The following PPP1R12B variants were observed in gnomAD, a reference collection of about 807,000 sequenced individuals.
PPP1R12B encodes myosin phosphatase target subunit 2.
Under a neutral mutation model 126.1 loss-of-function variants are expected in PPP1R12B, and 76 were observed. That is an observed-to-expected ratio of 0.60 (90% CI 0.50 to 0.73). The LOEUF is 0.73. Ranked by LOEUF, PPP1R12B falls within the 30% of genes least tolerant of loss-of-function variation. PPP1R12B has a pLI of 0.00. For synonymous variants in PPP1R12B, 356 were observed against 434.7 expected, an observed-to-expected ratio of 0.82 and a Z score of 2.25; for missense variants, 1,052 against 1,205.1, an observed-to-expected ratio of 0.87 and a Z score of 1.88.
rs536511819 is a variant in PPP1R12B, at chr1:202,414,982, T to C, written c.292-1805T>C. Among the ~76,000 whole-genome samples, 14 of 152,194 alleles carry C rather than the reference T, an allele frequency of 9.2e-5. No individual in the cohort carries two copies. In the East Asian group the frequency reaches 2.7e-3, roughly 29 times the overall value. On this transcript the variant is annotated intron_variant, in intron 1 of 23. Coordinates refer to ENST00000608999, the MANE Select transcript of PPP1R12B (RefSeq NM_002481.4). ...TTTTTTTGCAGAGATGGGGTCTGTG[T>C]TGCTCAGGCTGGTCTTGAACTCCTG...
At chr1:202,493,552 G>C (rs1027577889) in intron 15 of PPP1R12B, among the ~76,000 whole-genome samples, 1 of 152,086 alleles carries the variant, frequency 6.6e-6, no homozygotes, top group African/African-American at 2.4e-5. Flanking sequence ...TGTCCTTCTA[G>C]TCTAAAAGGA....
chr1:202,438,550 C>T (rs1671152858), intron 10 of PPP1R12B: 1 of 427,738 alleles, frequency 2.3e-6, no homozygotes, highest in Non-Finnish European at 4.4e-6. Context: ...CATGGGACAG[C>T]CCCCGGTGGA....
At position 202,592,374 on chromosome 1, in the gene PPP1R12B, G is replaced by A. The variant is rs1260054494; in HGVS notation, c.*11814G>A. On this transcript the variant is annotated 3_prime_UTR_variant, in exon 24 of 24. Coordinates refer to ENST00000608999, the MANE Select transcript of PPP1R12B (RefSeq NM_002481.4). ...CTCCCGCCCACTGATGACTCCCATG[G>A]GGGGTTTCCCGATGGGAGGAGGCAG... is the stretch of plus-strand genomic sequence containing the variant. 1 of 152,684 alleles carries A rather than the reference G, an allele frequency of 6.5e-6. No homozygotes were observed. Among genetic ancestry groups the A allele is most frequent in the Non-Finnish European group, 1.5e-5 (1 of 68,062 alleles). The allele number at this position is 152,684 out of a possible 1,614,324, so 9.5% of individuals were successfully genotyped here.
chr1:202,356,973 C>A (rs1249716005), intron 1 of PPP1R12B, among the ~76,000 whole-genome samples: 1 of 152,080 alleles, frequency 6.6e-6, no homozygotes, highest in Non-Finnish European at 1.5e-5. Context: ...AGGCGCCCAC[C>A]ACCACAACCA....
intron 13 of PPP1R12B, chr1:202,463,218 G>C (rs1471306300): frequency 3.3e-6 from 1 of 301,842 alleles, no homozygotes; most frequent in East Asian, 1.7e-4. Context: ...CAAGTGGTAA[G>C]AATAAGATAT....
intron 18 of PPP1R12B, among the ~76,000 whole-genome samples, chr1:202,498,491 A>G (rs1241875183): frequency 6.6e-6 from 1 of 152,222 alleles, no homozygotes; most frequent in Non-Finnish European, 1.5e-5. Flanking sequence ...GAATCAGCAT[A>G]GGGTGAGGCA....
chr1:202,517,443 G>T (rs1368000499), intron 18 of PPP1R12B, among the ~76,000 whole-genome samples: 9 of 152,092 alleles, frequency 5.9e-5, no homozygotes, highest in Non-Finnish European at 1.5e-5. Flanking sequence ...GTTCCTTCCA[G>T]AATTTATTTC....
intron 1 of PPP1R12B, among the ~76,000 whole-genome samples, chr1:202,386,310 T>G (rs1335454201): frequency 6.6e-6 from 1 of 151,680 alleles, no homozygotes; most frequent in Non-Finnish European, 1.5e-5. Flanking sequence ...ATGATGGGTT[T>G]CTGTGTATTT....
chr1:202,430,896 C>G (rs1404720644), intron 7 of PPP1R12B, 86 bp downstream of exon 7: 2 of 1,516,618 alleles, frequency 1.3e-6, no homozygotes, highest in Non-Finnish European at 1.8e-6. Context: ...AGTGAAGAAA[C>G]TCTGTGTTTG....
At chr1:202,550,887 T>C (rs560507914) in intron 18 of PPP1R12B, among the ~76,000 whole-genome samples, 14 of 152,362 alleles carry the variant, frequency 9.2e-5, no homozygotes, top group African/African-American at 1.4e-4. Context: ...AGTATATCCA[T>C]ATATTTCCTT....
intron 18 of PPP1R12B, among the ~76,000 whole-genome samples, chr1:202,531,467 A>C (rs138918563): frequency 1.3e-5 from 2 of 152,322 alleles, no homozygotes; most frequent in Non-Finnish European, 2.9e-5. Context: ...CATGTCTTAC[A>C]GTACTTTGTA....
intron 18 of PPP1R12B, among the ~76,000 whole-genome samples, chr1:202,552,999 C>T (rs1466896247): frequency 6.6e-6 from 1 of 152,190 alleles, no homozygotes; most frequent in Admixed American, 6.5e-5. Context: ...TTTCACAAAT[C>T]AAAACCAGTC....
At chr1:202,465,418 A>T (rs1184295558) in intron 13 of PPP1R12B, among the ~76,000 whole-genome samples, 2 of 152,208 alleles carry the variant, frequency 1.3e-5, no homozygotes, top group Non-Finnish European at 2.9e-5. Flanking sequence ...GGGAAATATC[A>T]CTTCTGAAAG....
At chr1:202,369,291 A>G (rs1276943411) in intron 1 of PPP1R12B, among the ~76,000 whole-genome samples, 1 of 152,368 alleles carries the variant, frequency 6.6e-6, no homozygotes, top group South Asian at 2.1e-4. Context: ...GTTGAACACT[A>G]CGAATTAAGT....
intron 1 of PPP1R12B, among the ~76,000 whole-genome samples, chr1:202,400,605 T>A (rs1357035177): frequency 6.6e-6 from 1 of 152,240 alleles, no homozygotes; most frequent in African/African-American, 2.4e-5. Flanking sequence ...TGTGAAAGTG[T>A]GGCACACTTG....
intron 1 of PPP1R12B, among the ~76,000 whole-genome samples, chr1:202,374,493 CTTTTTTTTTTTT>C: frequency 1.1e-5 from 1 of 89,502 alleles, no homozygotes. Flanking sequence ...TTGTCTCTCT[CTTTTTTTTTTTT>C]TTTTTTTTTT....
At chr1:202,376,742 C>T (rs1269289437) in intron 1 of PPP1R12B, among the ~76,000 whole-genome samples, 1 of 151,994 alleles carries the variant, frequency 6.6e-6, no homozygotes, top group Non-Finnish European at 1.5e-5. Flanking sequence ...AAAGTTTTTT[C>T]AATATAATAT....
chr1:202,482,181 A>T (rs1677475689), intron 13 of PPP1R12B, among the ~76,000 whole-genome samples: 1 of 152,180 alleles, frequency 6.6e-6, no homozygotes, highest in African/African-American at 2.4e-5. Flanking sequence ...TAACGTAAAT[A>T]GTGCTGCCAT....
intron 3 of PPP1R12B, among the ~76,000 whole-genome samples, chr1:202,423,041 A>G (rs912428722): frequency 2.6e-5 from 4 of 152,218 alleles, no homozygotes; most frequent in Non-Finnish European, 4.4e-5. Flanking sequence ...GTGTGTATGC[A>G]TGGTATTGGG....
Sources: allele counts gnomAD v4.1 joint callset (sites outside exome capture counted in the v4.1 genomes callset), GRCh38; gene constraint gnomAD v4.1.1; transcripts MANE v1.5; gene names NCBI Gene and HGNC (gene_info 2026-07-23, HGNC 2026-07-21).